The following LRRFIP1 variants were observed in gnomAD, a reference collection of about 807,000 sequenced individuals.
LRRFIP1 encodes leucine-rich repeat flightless-interacting protein 1.
LRRFIP1 carries 62 observed loss-of-function variants against 104.4 expected under a neutral mutation model. The observed-to-expected ratio is 0.59, with a 90% confidence interval of 0.48 to 0.73. The LOEUF (loss-of-function observed/expected upper bound fraction) is 0.73, where lower values mean the gene tolerates loss of function less well. LRRFIP1 is among the 30% of genes least tolerant of loss of function. The probability of loss-of-function intolerance (pLI) is 0.00; values close to 1 mark genes in which losing one functional copy is unlikely to be tolerated. For missense variants in LRRFIP1, 796 were observed against 824.5 expected, an observed-to-expected ratio of 0.97 and a Z score of 0.42; for synonymous variants, 300 against 299.0, an observed-to-expected ratio of 1.00 and a Z score of -0.03.
chr2:237,652,495 C>T (rs949392201), intron 1 of LRRFIP1, among the ~76,000 whole-genome samples: 2 of 152,168 alleles, frequency 1.3e-5, no homozygotes, highest in Non-Finnish European at 2.9e-5. Flanking sequence ...TGGAGTAATG[C>T]GGTGAGCACC....
At chr2:237,627,976 C>G (rs1439050551) in intron 1 of LRRFIP1, among the ~76,000 whole-genome samples, 1 of 151,000 alleles carries the variant, frequency 6.6e-6, no homozygotes, top group Non-Finnish European at 1.5e-5. Flanking sequence ...CGGGCCCAGC[C>G]CGCGACGCTG....
intron 1 of LRRFIP1, among the ~76,000 whole-genome samples, chr2:237,660,734 C>T (rs1025619369): frequency 1.3e-5 from 2 of 152,194 alleles, no homozygotes; most frequent in African/African-American, 2.4e-5. Flanking sequence ...GTGCCACGAG[C>T]TCCTGTGCAC....
intron 1 of LRRFIP1, among the ~76,000 whole-genome samples, chr2:237,704,026 G>A (rs548595028): frequency 3.3e-5 from 5 of 152,112 alleles, no homozygotes; most frequent in Middle Eastern, 3.4e-3. Context: ...CCTGATCCCC[G>A]AGAACCCCTG....
At chr2:237,688,631 G>T (rs1204030735) in intron 1 of LRRFIP1, among the ~76,000 whole-genome samples, 6 of 151,858 alleles carry the variant, frequency 4.0e-5, no homozygotes, top group Admixed American at 3.9e-4. Context: ...GCTAACTTTT[G>T]TATTTTTAGT....
At chr2:237,676,216 T>G (rs1297437144) in intron 1 of LRRFIP1, among the ~76,000 whole-genome samples, 1 of 152,212 alleles carries the variant, frequency 6.6e-6, no homozygotes, top group African/African-American at 2.4e-5. Context: ...TGAATTTGAT[T>G]AACGTAAATT....
chr2:237,628,412 A>G (rs1282349130), intron 1 of LRRFIP1, among the ~76,000 whole-genome samples: 1 of 148,966 alleles, frequency 6.7e-6, no homozygotes, highest in African/African-American at 2.5e-5. Context: ...AAGGCGCACT[A>G]GAATGGGTAT....
chr2:237,679,285 A>C (rs571896343), intron 1 of LRRFIP1, among the ~76,000 whole-genome samples: 2 of 152,232 alleles, frequency 1.3e-5, no homozygotes, highest in Non-Finnish European at 2.9e-5. Context: ...AATTCTGACA[A>C]GGCTGAGTCC....
chr2:237,639,851 C>T (rs187267804), intron 1 of LRRFIP1, among the ~76,000 whole-genome samples: 4 of 152,192 alleles, frequency 2.6e-5, no homozygotes, highest in Non-Finnish European at 4.4e-5. Context: ...GGATTTTGAA[C>T]GGCATCCCTG....
At chr2:237,696,903 C>T (rs1178188775) in intron 1 of LRRFIP1, among the ~76,000 whole-genome samples, 3 of 152,240 alleles carry the variant, frequency 2.0e-5, no homozygotes, top group Non-Finnish European at 4.4e-5. Flanking sequence ...CCAAAGCTGC[C>T]TCTTAGGACA....
intron 1 of LRRFIP1, among the ~76,000 whole-genome samples, chr2:237,645,678 G>A (rs1236317888): frequency 1.3e-5 from 2 of 152,036 alleles, no homozygotes; most frequent in Admixed American, 6.5e-5. Flanking sequence ...GGTGGAAAGA[G>A]TAACAACTTT....
chr2:237,636,352 CTTTTTTT>C (rs59582281), intron 1 of LRRFIP1, among the ~76,000 whole-genome samples: 2 of 124,452 alleles, frequency 1.6e-5, no homozygotes, highest in Admixed American at 1.6e-4. Context: ...CCTTTCTTTT[CTTTTTTT>C]TTTTTTTTTG....
At chr2:237,771,197 G>T (rs2060587271) in intron 20 of LRRFIP1, among the ~76,000 whole-genome samples, 1 of 150,836 alleles carries the variant, frequency 6.6e-6, no homozygotes, top group African/African-American at 2.4e-5. Flanking sequence ...ATGCCAGAAA[G>T]TTCTGCAGTC....
intron 2 of LRRFIP1, chr2:237,708,851 G>A (rs2093944652): frequency 1.5e-6 from 1 of 676,694 alleles, no homozygotes; most frequent in Non-Finnish European, 2.8e-6. Context: ...CCTGAGAGGG[G>A]CTTAGAAGCC....
intron 1 of LRRFIP1, among the ~76,000 whole-genome samples, chr2:237,635,187 T>C (rs11687288): frequency 0.23 from 35,163 of 152,262 alleles, 4,584 homozygotes; most frequent in East Asian, 0.43. Context: ...GTCTTTATTC[T>C]ACATTCATAC....
Position 237,717,913 on chromosome 2 carries a change from T to A in LRRFIP1, c.249+104T>A. 1.1e-6 allele frequency: 1 copy of A among 902,928 alleles called. No homozygotes were observed. The highest frequency in any genetic ancestry group is 1.9e-6 in the Non-Finnish European group (1 of 532,176). The allele number at this position is 902,928 out of a possible 1,614,324, so 55.9% of individuals were successfully genotyped here. A position where few individuals can be genotyped will look rare whatever the true frequency, so the allele number is the denominator to read the frequency against. On this transcript the variant is annotated intron_variant, in intron 4 of 23. Transcript: ENST00000308482. The surrounding 1 kb of genome is among the most constrained non-coding windows in gnomAD (Gnocchi z 4.2). The stretch of plus-strand genomic sequence containing the variant: ...GTAATTCTTACGCAGTTTAACTATG[T>A]AGATAGATTCCTATTGCACCATAAT...
chr2:237,730,789 A>C, intron 8 of LRRFIP1, among the ~76,000 whole-genome samples: 1 of 152,196 alleles, frequency 6.6e-6, no homozygotes, highest in East Asian at 1.9e-4. Flanking sequence ...GCGGTGGCAC[A>C]TGCCTGTAGT....
chr2:237,760,036 A>G (rs1249067445), intron 18 of LRRFIP1, 28 bp from the exon 19 acceptor site: 2 of 1,608,238 alleles, frequency 1.2e-6, no homozygotes, highest in East Asian at 2.2e-5. Context: ...CTGAGTAAAT[A>G]TTACGATGAG....
At chr2:237,693,023 A>G (rs11884774) in intron 1 of LRRFIP1, among the ~76,000 whole-genome samples, 17,761 of 152,040 alleles carry the variant, frequency 0.12, 3,179 homozygotes, top group African/African-American at 0.39. Flanking sequence ...CACTTTGGCT[A>G]GTCTCCCGGG....
chr2:237,742,622 C>A (rs1187408082), intron 11 of LRRFIP1, among the ~76,000 whole-genome samples: 1 of 152,220 alleles, frequency 6.6e-6, no homozygotes, highest in African/African-American at 2.4e-5. Context: ...AAATTGACTC[C>A]ATTTCTGTTT....
Sources: allele counts gnomAD v4.1 joint callset (sites outside exome capture counted in the v4.1 genomes callset), GRCh38; gene constraint gnomAD v4.1.1; non-coding constraint Gnocchi (gnomAD v3.1); transcripts MANE v1.5; gene names NCBI Gene and HGNC (gene_info 2026-07-23, HGNC 2026-07-21).